HSPH1: variants seen among roughly 807,000 people sequenced by gnomAD.
HSPH1 encodes heat shock protein 105 kDa.
HSPH1 carries 40 observed loss-of-function variants against 100.0 expected under a neutral mutation model. The ratio of observed to expected loss-of-function variants is 0.40; its 90% CI spans 0.31 to 0.52. The LOEUF (loss-of-function observed/expected upper bound fraction) is 0.52, where lower values mean the gene tolerates loss of function less well. HSPH1 is among the 20% of genes least tolerant of loss of function. The pLI, the probability that HSPH1 is intolerant of heterozygous loss-of-function variation, is 0.54. For synonymous variants in HSPH1, 403 were observed against 344.0 expected, an observed-to-expected ratio of 1.17 and a Z score of -1.90; for missense variants, 876 against 1,015.1, an observed-to-expected ratio of 0.86 and a Z score of 1.86.
chr13:31,143,222 T>A (rs902496930), intron 12 of HSPH1, among the ~76,000 whole-genome samples: 4 of 152,150 alleles, frequency 2.6e-5, no homozygotes, highest in Non-Finnish European at 5.9e-5. Flanking sequence ...TCTTAAAGGT[T>A]TGATTACAAA....
chr13:31,135,881 G>C lies in HSPH1; in HGVS notation c.*1437C>G, dbSNP rs1370193245. On this transcript the variant is annotated 3_prime_UTR_variant, in exon 18 of 18. Transcript: ENST00000320027. ...AAGAGGGAAAGTTGGCCCTCATCAA[G>C]ATCATAAATGGCTGGGCATGGTGGC... is the stretch of plus-strand genomic sequence containing the variant. The C allele has an allele frequency of 6.6e-6, 1 of 152,092 alleles. No homozygotes were observed. Among genetic ancestry groups the C allele is most frequent in the Admixed American group, 6.6e-5 (1 of 15,256 alleles). The allele number at this position is 152,092 out of a possible 1,614,324, so 9.4% of individuals were successfully genotyped here.
chr13:31,159,934 G>A (rs986738377), intron 1 of HSPH1, among the ~76,000 whole-genome samples: 1 of 151,908 alleles, frequency 6.6e-6, no homozygotes, highest in African/African-American at 2.4e-5. Context: ...TACACTTGCA[G>A]AATGGATCTA....
intron 8 of HSPH1, 88 bp from the exon 9 acceptor site, chr13:31,148,568 T>A: frequency 5.7e-6 from 1 of 175,884 alleles, no homozygotes; most frequent in Admixed American, 9.1e-5. Flanking sequence ...ATGGACAGGG[T>A]TTTCAAAAAA....
rs1956427438 is a variant in HSPH1 at position 31,150,072 on chromosome 13, A to G, written c.1019T>C (p.Ile340Thr). Residue 340 changes from isoleucine to threonine, a missense_variant, in exon 8 of 18, where the codon ATT (isoleucine) becomes ACT (threonine). Ile to Thr is a moderately conservative substitution (Grantham distance 89). Coordinates refer to ENST00000320027, the MANE Select transcript of HSPH1 (RefSeq NM_006644.4). ...LKVEDVSAVE[I>T]VGGATRIPAV... is the part of the protein sequence containing the mutation. ...TGGAATTCGTGTAGCGCCTCCAACA[A>G]TCTCAACTGCACTCACATCTTCTAC... 1.9e-6 allele frequency: 3 copies of G among 1,613,826 alleles called. No individual in the cohort carries two copies. Among genetic ancestry groups the G allele is most frequent in the Non-Finnish European group, 2.5e-6 (3 of 1,179,792 alleles).
In HSPH1 at chr13:31,158,831, G is replaced by T; in HGVS notation, c.140C>A (p.Thr47Lys). The part of the protein sequence containing the change: ...SVISFGSKNR[T>K]IGVAAKNQQI... ...CTGATTTTTGGCTGCAACTCCGATT[G>T]TTCTATTTTTTGATCCAAATGATAT... is the stretch of plus-strand genomic sequence containing the variant. The change falls in exon 2 of 18, where the codon ACA becomes AAA. Residue 47 changes from threonine (T) to lysine (K), a missense_variant. Coordinates refer to ENST00000320027, the MANE Select transcript of HSPH1 (RefSeq NM_006644.4). 1 of 1,605,316 alleles carries T rather than the reference G, an allele frequency of 6.2e-7. No homozygotes were observed. The highest frequency in any genetic ancestry group is 8.5e-7 in the Non-Finnish European group (1 of 1,172,210).
At chr13:31,154,380 T>C (rs1019380424) in intron 4 of HSPH1, 38 of 523,010 alleles carry the variant, frequency 7.3e-5, no homozygotes, top group Non-Finnish European at 1.2e-4. Context: ...TACTCACAAA[T>C]GGAACCAGTC....
intron 12 of HSPH1, among the ~76,000 whole-genome samples, chr13:31,142,027 A>C (rs1325828051): frequency 6.6e-6 from 1 of 152,078 alleles, no homozygotes. Context: ...TTTGCTATGC[A>C]TTTCCATTTC....
At chr13:31,144,585 T>A (rs1188617116) in intron 11 of HSPH1, among the ~76,000 whole-genome samples, 1 of 152,142 alleles carries the variant, frequency 6.6e-6, no homozygotes, top group African/African-American at 2.4e-5. Flanking sequence ...TAGCCCTCAA[T>A]CCCTAATATA....
Position 31,158,839 on chromosome 13 carries a change from T to C in HSPH1, c.132A>G (p.Lys44=). The change falls in exon 2 of 18, where the codon AAA becomes AAG. Residue 44 remains lysine (K), a synonymous_variant. Coordinates refer to ENST00000320027, the MANE Select transcript of HSPH1 (RefSeq NM_006644.4). ...TGGCTGCAACTCCGATTGTTCTATT[T>C]TTTGATCCAAATGATATGACTGACC... ...CTPSVISFGS[K]NRTIGVAAKN... is the part of the protein sequence containing the mutation. 6.2e-7 allele frequency: 1 copy of C among 1,603,074 alleles called. No individual in the cohort carries two copies. The highest frequency in any genetic ancestry group is 8.5e-7 in the Non-Finnish European group (1 of 1,170,062).
intron 10 of HSPH1, among the ~76,000 whole-genome samples, chr13:31,147,193 T>A (rs940613338): frequency 6.6e-6 from 1 of 152,174 alleles, no homozygotes; most frequent in Non-Finnish European, 1.5e-5. Context: ...TTCCAATTTA[T>A]CAAAATCTTA....
rs770301415 is a variant in HSPH1 at position 31,161,590 on chromosome 13, T to C, written c.-8A>G. Reference sequence around the variant, plus strand: ...CAACCCCACCACCGACATGGCCGGCTCGCGGTCCGCCTCCGCCTCGGGTCT... The same window carrying C: ...CAACCCCACCACCGACATGGCCGGCCCGCGGTCCGCCTCCGCCTCGGGTCT... On this transcript the variant is annotated 5_prime_UTR_variant, in exon 1 of 18. Coordinates refer to ENST00000320027, the MANE Select transcript of HSPH1 (RefSeq NM_006644.4). 4.3e-6 allele frequency: 7 copies of C among 1,611,980 alleles called. No individual in the cohort carries two copies. The South Asian group carries it at 7.7e-5, about 18-fold the overall frequency.
rs1565995336 is a variant in HSPH1 at position 31,140,040 on chromosome 13, C to T, written c.1980+144G>A. On this transcript the variant is annotated intron_variant, in intron 14 of 17. Transcript: ENST00000320027. ...ACAAAATAAAACTGCTCATCAGCAACAAGCCTTTCTCCATAACTTTGTTTT... is the reference window on the plus strand; with the variant it reads ...ACAAAATAAAACTGCTCATCAGCAATAAGCCTTTCTCCATAACTTTGTTTT... The T allele has an allele frequency of 4.0e-6, 3 of 752,334 alleles. No homozygotes were observed. The East Asian group carries it at 7.8e-5, about 20-fold the overall frequency. 46.6% of individuals were successfully genotyped at this position (752,334 alleles called of 1,614,324 possible). A position where few individuals can be genotyped will look rare whatever the true frequency, so the allele number is the denominator to read the frequency against.
At position 31,149,963 on chromosome 13, in the gene HSPH1, A is replaced by G. The variant is rs747638458; in HGVS notation, c.1128T>C (p.Cys376=). The G allele has an allele frequency of 5.0e-6, 8 of 1,613,278 alleles. No individual in the cohort carries two copies. Among genetic ancestry groups the G allele is most frequent in the Non-Finnish European group, 6.8e-6 (8 of 1,179,320 alleles). ...LNADEAVARG[C]ALQCAILSPA... is the part of the protein sequence containing the mutation. The stretch of plus-strand genomic sequence containing the variant: ...AGAGTTGAGAAAGTACCTGTAATGC[A>G]CATCCTCTGGCTACTGCTTCATCTG... The change falls in exon 8 of 18, where the codon TGT becomes TGC. Residue 376 remains cysteine (C), a synonymous_variant. Coordinates refer to ENST00000320027, the MANE Select transcript of HSPH1 (RefSeq NM_006644.4).
In HSPH1 at chr13:31,139,016, T is replaced by C. The variant is rs1169092183; in HGVS notation, c.2072A>G (p.Lys691Arg). 1.9e-6 allele frequency: 3 copies of C among 1,611,624 alleles called. No homozygotes were observed. The East Asian group carries it at 6.7e-5, about 36-fold the overall frequency. Residue 691 changes from lysine to arginine, a missense_variant, in exon 15 of 18, where the codon AAG becomes AGG. By Grantham distance (26) the Lys-to-Arg change is conservative. Coordinates refer to ENST00000320027, the MANE Select transcript of HSPH1 (RefSeq NM_006644.4). ...EDQAKQAYVD[K>R]LEELMKIGTP... The stretch of plus-strand genomic sequence containing the variant: ...ACGACCTACCATTAATTCTTCCAAC[T>C]TGTCAACATATGCTTGTTTAGCTTG...
In HSPH1 at chr13:31,139,090, CA is replaced by C; in HGVS notation, c.1997del (p.Leu666Ter). The C allele has an allele frequency of 6.2e-7, 1 of 1,610,736 alleles. No individual in the cohort carries two copies. The highest frequency in any genetic ancestry group is 8.5e-7 in the Non-Finnish European group (1 of 1,177,208). On this transcript the variant is annotated frameshift_variant, in exon 15 of 18. Coordinates refer to ENST00000320027, the MANE Select transcript of HSPH1 (RefSeq NM_006644.4). LOFTEE classifies it high-confidence loss of function. ...AGTCTTCAGTTTCTGTGAGGAGTCT[CA>C]AAAAATTTTGATGATCCTTAACACA... is the stretch of plus-strand genomic sequence containing the variant. ...FICEQDHQNF[L>X]RLLTETEDWL...
chr13:31,136,791 T>C lies in HSPH1; in HGVS notation c.*527A>G, dbSNP rs1002379865. ...TTTGTTCTGCATGCTGCTAACACAT[T>C]TGACTAGCTTTTGTTTTACTCATTG... On this transcript the variant is annotated 3_prime_UTR_variant, in exon 18 of 18. Transcript: ENST00000320027. 1.1e-5 allele frequency: 2 copies of C among 188,022 alleles called. No homozygotes were observed. The highest frequency in any genetic ancestry group is 4.8e-5 in the African/African-American group (2 of 41,664). The allele number at this position is 188,022 out of a possible 1,614,324, so 11.6% of individuals were successfully genotyped here. A position where few individuals can be genotyped will look rare whatever the true frequency, so the allele number is the denominator to read the frequency against.
chr13:31,158,081 C>T (rs1956762296), intron 2 of HSPH1, among the ~76,000 whole-genome samples: 1 of 152,174 alleles, frequency 6.6e-6, no homozygotes, highest in Non-Finnish European at 1.5e-5. Flanking sequence ...TTCTCCCAGT[C>T]CTACCTTAAT....
At chr13:31,156,709 A>C (rs1211678660) in intron 2 of HSPH1, among the ~76,000 whole-genome samples, 6 of 152,260 alleles carry the variant, frequency 3.9e-5, no homozygotes, top group African/African-American at 1.4e-4. Context: ...AAAAAGTAGA[A>C]GGCAGAAGAG....
intron 11 of HSPH1, among the ~76,000 whole-genome samples, chr13:31,144,695 A>G (rs1474874510): frequency 6.6e-6 from 1 of 152,118 alleles, no homozygotes; most frequent in African/African-American, 2.4e-5. Context: ...TTTTTCTTCT[A>G]AGGTCAAGAT....
Sources: gnomAD v4.1 joint callset for allele counts (sites outside exome capture counted in the v4.1 genomes callset) on GRCh38, gnomAD v4.1.1 for gene constraint, MANE v1.5 for transcripts, NCBI Gene and HGNC (gene_info 2026-07-23, HGNC 2026-07-21) for gene names.